Variants in MYT1L observed in about 807,000 individuals in gnomAD.
The protein encoded by MYT1L is myelin transcription factor 1-like protein.
MYT1L carries 12 observed loss-of-function variants against 126.7 expected under a neutral mutation model. The observed-to-expected ratio is 0.09, with a 90% CI of 0.06 to 0.15. MYT1L has a LOEUF of 0.15. Ranked by LOEUF, MYT1L falls within the 10% of genes least tolerant of loss-of-function variation. The pLI is 1.00. For missense variants in MYT1L, 979 were observed against 1,585.2 expected (o/e 0.62, Z 6.49); for synonymous variants, 541 against 604.2 (o/e 0.90, Z 1.53).
chr2:1,936,059 A>G (rs2055837216), intron 9 of MYT1L, among the ~76,000 whole-genome samples: 1 of 152,178 alleles, frequency 6.6e-6, no homozygotes, highest in Non-Finnish European at 1.5e-5. Context: ...AGTAGCTGGG[A>G]TTGCAGGCAT....
chr2:2,127,568 C>A (rs895147163), intron 3 of MYT1L, among the ~76,000 whole-genome samples: 2 of 152,156 alleles, frequency 1.3e-5, no homozygotes, highest in African/African-American at 4.8e-5. Context: ...TCCCCTACAC[C>A]CCTCCCGGTA....
At chr2:1,999,271 G>T in intron 4 of MYT1L, among the ~76,000 whole-genome samples, 1 of 152,106 alleles carries the variant, frequency 6.6e-6, no homozygotes, top group East Asian at 1.9e-4. Flanking sequence ...AGCAGCAAAG[G>T]TCACATACAG....
intron 8 of MYT1L, among the ~76,000 whole-genome samples, chr2:1,965,578 G>C (rs1468286159): frequency 6.6e-6 from 1 of 152,270 alleles, no homozygotes; most frequent in Non-Finnish European, 1.5e-5. Flanking sequence ...GCTGGAGACA[G>C]AGGGGTCCCA....
At chr2:2,052,541 T>C (rs1480176059) in intron 4 of MYT1L, among the ~76,000 whole-genome samples, 2 of 152,194 alleles carry the variant, frequency 1.3e-5, no homozygotes, top group East Asian at 3.8e-4. Context: ...ATCATATATA[T>C]GATAAGGAGC....
intron 9 of MYT1L, among the ~76,000 whole-genome samples, chr2:1,931,796 G>A (rs1440361087): frequency 6.6e-6 from 1 of 151,576 alleles, no homozygotes; most frequent in East Asian, 1.9e-4. Context: ...TGCATCGGCT[G>A]CTGTCTTTTG....
chr2:2,085,741 C>T (rs749386319), intron 3 of MYT1L, among the ~76,000 whole-genome samples: 8 of 152,130 alleles, frequency 5.3e-5, no homozygotes, highest in Non-Finnish European at 1.0e-4. Context: ...TGTTTTATGC[C>T]CTAGCTGGAG....
intron 2 of MYT1L, among the ~76,000 whole-genome samples, chr2:2,272,010 C>T (rs374423508): frequency 1.3e-5 from 2 of 152,190 alleles, no homozygotes; most frequent in African/African-American, 4.8e-5. Flanking sequence ...ACAGGCTACA[C>T]GGCTGCCTGA....
At chr2:1,918,571 C>T (rs1261784729) in intron 10 of MYT1L, among the ~76,000 whole-genome samples, 2 of 152,126 alleles carry the variant, frequency 1.3e-5, no homozygotes, top group African/African-American at 2.4e-5. Flanking sequence ...ACTTTTCATT[C>T]GTTCAGGTGA....
At chr2:2,297,683 C>T (rs1260486237) in intron 1 of MYT1L, among the ~76,000 whole-genome samples, 1 of 152,210 alleles carries the variant, frequency 6.6e-6, no homozygotes, top group Non-Finnish European at 1.5e-5. Flanking sequence ...GTTCCAGGGA[C>T]TGCTCAAGGA....
chr2:2,068,766 C>CTTCTTTTTTTTTTT (rs1370285207), intron 3 of MYT1L, among the ~76,000 whole-genome samples: 2 of 5,880 alleles, frequency 3.4e-4, no homozygotes, highest in Non-Finnish European at 7.3e-4. Context: ...CTGTGTTCTT[C>CTTCTTTTTTTTTTT]TTGTTTTTTT....
In MYT1L at chr2:1,972,876, T is replaced by A. The variant is rs117754182; in HGVS notation, c.152+6289A>T. Among the ~76,000 whole-genome samples, 222 of 152,340 alleles carry A rather than the reference T, an allele frequency of 1.5e-3. 3 individuals are homozygous for A. In the East Asian group the frequency reaches 0.035, roughly 24 times the overall value. On this transcript the variant is annotated intron_variant, in intron 8 of 24. Transcript: ENST00000647738. ...GAGATTTTAATTTTTAAGTTTCAAA[T>A]GAAATGATTTGACTCAGTGTACCCT...
chr2:1,858,716 T>C (rs1000216016), intron 18 of MYT1L, among the ~76,000 whole-genome samples: 3 of 152,256 alleles, frequency 2.0e-5, no homozygotes, highest in African/African-American at 4.8e-5. Context: ...TAAATCACTC[T>C]GCAGTTTGTA....
intron 9 of MYT1L, among the ~76,000 whole-genome samples, chr2:1,939,868 G>A (rs1043645493): frequency 4.6e-5 from 7 of 152,222 alleles, no homozygotes; most frequent in Non-Finnish European, 8.8e-5. Context: ...CAATGGAGAC[G>A]TCCTTCTCCC....
chr2:2,129,924 A>C (rs562430182), intron 3 of MYT1L, among the ~76,000 whole-genome samples: 1 of 149,404 alleles, frequency 6.7e-6, no homozygotes, highest in Admixed American at 6.7e-5. Context: ...AAAAAAAATT[A>C]ACTTCTTTAA....
At chr2:1,861,516 T>G (rs974204630) in intron 18 of MYT1L, among the ~76,000 whole-genome samples, 12 of 149,792 alleles carry the variant, frequency 8.0e-5, no homozygotes, top group Admixed American at 7.3e-4. Flanking sequence ...TTTTTTTTTT[T>G]GTAGCCCTTA....
At chr2:2,325,114 A>G (rs757110337) in intron 1 of MYT1L, 11 of 152,426 alleles carry the variant, frequency 7.2e-5, no homozygotes, top group Non-Finnish European at 1.5e-4. Context: ...TATCTCTCGT[A>G]TCATTGATGT....
intron 2 of MYT1L, among the ~76,000 whole-genome samples, chr2:2,266,883 T>C (rs1375433848): frequency 6.6e-6 from 1 of 152,230 alleles, no homozygotes; most frequent in Non-Finnish European, 1.5e-5. Context: ...CCTTCTGCCA[T>C]GATTGTGAGG....
chr2:1,891,165 T>C (rs1273822604), intron 15 of MYT1L, among the ~76,000 whole-genome samples: 3 of 152,242 alleles, frequency 2.0e-5, no homozygotes, highest in African/African-American at 7.2e-5. Context: ...GTAAGATTAC[T>C]GACCTTTCTT....
At chr2:1,847,257 C>T (rs927850522) in intron 19 of MYT1L, among the ~76,000 whole-genome samples, 2 of 152,208 alleles carry the variant, frequency 1.3e-5, no homozygotes, top group African/African-American at 4.8e-5. Context: ...ATGTAAAATA[C>T]TCACTGTAAT....
Sources: gnomAD v4.1 joint callset for allele counts (sites outside exome capture counted in the v4.1 genomes callset) on GRCh38, gnomAD v4.1.1 for gene constraint, MANE v1.5 for transcripts, NCBI Gene and HGNC (gene_info 2026-07-23, HGNC 2026-07-21) for gene names.